Variants in MCEE observed in about 807,000 individuals in gnomAD.
MCEE encodes methylmalonyl-CoA epimerase, mitochondrial.
A neutral mutation model predicts 12.9 loss-of-function variants in MCEE; 6 were observed. The ratio of observed to expected loss-of-function variants is 0.47; its 90% confidence interval spans 0.26 to 0.92. The LOEUF (loss-of-function observed/expected upper bound fraction) is 0.92. MCEE is among the 40% of genes least tolerant of loss of function. The pLI is 0.16. For missense variants in MCEE, 214 were observed against 212.1 expected (o/e 1.01, Z -0.05); for synonymous variants, 78 against 77.9 (o/e 1.00, Z -0.01).
intron 2 of MCEE, among the ~76,000 whole-genome samples, chr2:71,123,817 C>T (rs1353488463): frequency 6.6e-6 from 1 of 152,112 alleles, no homozygotes; most frequent in African/African-American, 2.4e-5. Context: ...ATAAAGAATA[C>T]TTAGCATGTA....
At chr2:71,125,496 T>C (rs1673211476) in intron 1 of MCEE, among the ~76,000 whole-genome samples, 1 of 147,898 alleles carries the variant, frequency 6.8e-6, no homozygotes, top group Admixed American at 6.7e-5. Context: ...TGTGAGCCAC[T>C]GTGCCCACCC....
At chr2:71,113,695 G>A (rs939673748) in intron 2 of MCEE, among the ~76,000 whole-genome samples, 2 of 152,178 alleles carry the variant, frequency 1.3e-5, no homozygotes, top group Non-Finnish European at 2.9e-5. Context: ...TGTAATGCAA[G>A]TCATAAAATA....
intron 1 of MCEE, among the ~76,000 whole-genome samples, chr2:71,126,807 G>A (rs1307273710): frequency 2.0e-5 from 3 of 152,046 alleles, no homozygotes; most frequent in Admixed American, 2.0e-4. Context: ...AATAGAAACG[G>A]TGTATCTTTA....
At chr2:71,121,242 C>T (rs1480614662) in intron 2 of MCEE, among the ~76,000 whole-genome samples, 1 of 152,056 alleles carries the variant, frequency 6.6e-6, no homozygotes, top group Non-Finnish European at 1.5e-5. Context: ...AGAAGTGATC[C>T]TAGAGCATCT....
chr2:71,119,209 A>G (rs1297265669), intron 2 of MCEE, among the ~76,000 whole-genome samples: 1 of 150,396 alleles, frequency 6.6e-6, no homozygotes, highest in Non-Finnish European at 1.5e-5. Context: ...ATCACTAGGC[A>G]ATTTCATTGT....
intron 2 of MCEE, among the ~76,000 whole-genome samples, chr2:71,111,233 G>A (rs541815055): frequency 6.6e-6 from 1 of 152,102 alleles, no homozygotes; most frequent in African/African-American, 2.4e-5. Flanking sequence ...CTCATTTCAT[G>A]ACATCTTGCA....
chr2:71,112,381 C>T (rs954195948), intron 2 of MCEE, among the ~76,000 whole-genome samples: 10 of 150,444 alleles, frequency 6.6e-5, no homozygotes, highest in African/African-American at 2.4e-4. Context: ...GTGATGTGCC[C>T]GCCTCTGACT....
intron 2 of MCEE, 114 bp downstream of exon 2, chr2:71,124,092 T>G (rs1673163077): frequency 3.9e-6 from 3 of 763,840 alleles, no homozygotes; most frequent in Non-Finnish European, 6.6e-6. Context: ...ATCATTCTCC[T>G]TAAAGAACTT....
intron 1 of MCEE, among the ~76,000 whole-genome samples, chr2:71,125,211 A>ATATATATATATATATATATATATATT: frequency 2.1e-5 from 1 of 48,594 alleles, no homozygotes; most frequent in Non-Finnish European, 4.4e-5. Flanking sequence ...ATATATATAT[A>ATATATATATATATATATATATATATT]TTTTTTTTTT....
intron 1 of MCEE, among the ~76,000 whole-genome samples, chr2:71,127,503 T>C (rs1285214081): frequency 3.9e-5 from 6 of 152,272 alleles, no homozygotes; most frequent in African/African-American, 7.2e-5. Context: ...TATCTCTTAA[T>C]AGTTTTTAAA....
chr2:71,123,906 T>C (rs1216886471), intron 2 of MCEE, among the ~76,000 whole-genome samples: 5 of 152,202 alleles, frequency 3.3e-5, no homozygotes, highest in African/African-American at 1.2e-4. Context: ...TCCTGTTACA[T>C]GGGAGGTCAA....
Position 71,124,208 on chromosome 2 carries a change from C to T in MCEE, c.376G>A (p.Glu126Lys), listed in dbSNP as rs779113206. Residue 126 changes from glutamate to lysine, a missense_variant and splice_region_variant, in exon 2 of 3, where the codon GAG becomes AAG. Glu to Lys is a moderately conservative substitution (Grantham distance 56). Coordinates refer to ENST00000244217, the MANE Select transcript of MCEE (RefSeq NM_032601.4). The part of the protein sequence containing the change: ...KAGGMHHICI[E>K]VDNINAAVMD... ...AGGCATTAAAATAATTAAAATACCT[C>T]GATGCAGATGTGATGCATTCCTCCA... is the stretch of plus-strand genomic sequence containing the variant. The T allele has an allele frequency of 6.2e-6, 10 of 1,608,140 alleles. No individual in the cohort carries two copies. The highest frequency in any genetic ancestry group is 3.3e-5 in the Admixed American group (2 of 60,008).
chr2:71,112,353 T>A (rs1287493076), intron 2 of MCEE, among the ~76,000 whole-genome samples: 1 of 151,338 alleles, frequency 6.6e-6, no homozygotes, highest in African/African-American at 2.4e-5. Flanking sequence ...GCCAGGATGG[T>A]CTCGATCTCT....
chr2:71,124,984 A>G (rs1313821523), intron 1 of MCEE, among the ~76,000 whole-genome samples: 2 of 151,640 alleles, frequency 1.3e-5, no homozygotes, highest in Non-Finnish European at 2.9e-5. Flanking sequence ...ATATACATTA[A>G]AAGAGTACAT....
chr2:71,130,061 G>T (rs1673335753), intron 1 of MCEE, 119 bp downstream of exon 1: 3 of 1,022,320 alleles, frequency 2.9e-6, no homozygotes, highest in Non-Finnish European at 4.5e-6. Context: ...TGTGGAACGC[G>T]CCCCCGGGGG....
intron 1 of MCEE, among the ~76,000 whole-genome samples, chr2:71,125,211 A>ATATATATATATATATATTTTTTTT: frequency 1.2e-4 from 6 of 48,594 alleles, no homozygotes; most frequent in Non-Finnish European, 2.2e-4. Flanking sequence ...ATATATATAT[A>ATATATATATATATATATTTTTTTT]TTTTTTTTTT....
chr2:71,129,982 CA>C, intron 1 of MCEE, 197 bp downstream of exon 1: 1 of 658,172 alleles, frequency 1.5e-6, no homozygotes, highest in Non-Finnish European at 2.8e-6. Flanking sequence ...GACTCATGCA[CA>C]AGGCAATCCC....
At chr2:71,118,161 C>G (rs1418820363) in intron 2 of MCEE, among the ~76,000 whole-genome samples, 1 of 150,126 alleles carries the variant, frequency 6.7e-6, no homozygotes, top group Non-Finnish European at 1.5e-5. Flanking sequence ...ATGTGAACAT[C>G]TGCCTCACCC....
rs754533473 is a variant in MCEE, at chr2:71,124,389, A to G, written c.195T>C (p.Tyr65=). 3 of 1,614,050 alleles carry G rather than the reference A, an allele frequency of 1.9e-6. No homozygotes were observed. Among genetic ancestry groups the G allele is most frequent in the Non-Finnish European group, 2.5e-6 (3 of 1,180,044 alleles). Reference sequence around the variant, plus strand: ...TTACCTGGGCCCCCAGAATATTCTTATAAAATGCTGCAGCCTTTTCCAAAT... The same window carrying G: ...TTACCTGGGCCCCCAGAATATTCTTGTAAAATGCTGCAGCCTTTTCCAAAT... ...VPDLEKAAAF[Y]KNILGAQVSE... is the part of the protein sequence containing the mutation. Residue 65 remains tyrosine, a synonymous_variant, in exon 2 of 3, where the codon TAT becomes TAC. Coordinates refer to ENST00000244217, the MANE Select transcript of MCEE (RefSeq NM_032601.4).
Sources: allele counts gnomAD v4.1 joint callset (sites outside exome capture counted in the v4.1 genomes callset), GRCh38; gene constraint gnomAD v4.1.1; transcripts MANE v1.5; gene names NCBI Gene and HGNC (gene_info 2026-07-23, HGNC 2026-07-21).